The following NUCB1 variants were observed in gnomAD, a reference collection of about 807,000 sequenced individuals.
The protein encoded by NUCB1 is nucleobindin 1, also known as nucleobindin-1.
Under a neutral mutation model 61.2 loss-of-function variants are expected in NUCB1, and 47 were observed. The ratio of observed to expected loss-of-function variants is 0.77; its 90% CI spans 0.61 to 0.98. The LOEUF (loss-of-function observed/expected upper bound fraction) is 0.98. Ranked by LOEUF, NUCB1 falls within the 50% of genes least tolerant of loss-of-function variation. The pLI is 0.00. For synonymous variants in NUCB1, 234 were observed against 243.1 expected, an observed-to-expected ratio of 0.96 and a Z score of 0.35; for missense variants, 583 against 605.3, an observed-to-expected ratio of 0.96 and a Z score of 0.39.
At chr19:48,918,601 C>T in intron 7 of NUCB1, 125 bp from the exon 8 acceptor site, 6 of 767,368 alleles carry the variant, frequency 7.8e-6, no homozygotes, top group Non-Finnish European at 1.2e-5. Flanking sequence ...CGTTCCACCG[C>T]GGGAGACCCG....
chr19:48,917,378 C>T (rs1260646090), intron 7 of NUCB1, among the ~76,000 whole-genome samples: 1 of 151,960 alleles, frequency 6.6e-6, no homozygotes, highest in Non-Finnish European at 1.5e-5. Context: ...GGCTGGAGTG[C>T]AGTGGCGTGA....
intron 5 of NUCB1, among the ~76,000 whole-genome samples, chr19:48,911,558 G>A (rs146076282): frequency 1.4e-3 from 211 of 151,710 alleles, no homozygotes; most frequent in Non-Finnish European, 2.5e-3. Flanking sequence ...GGTGCCTGCC[G>A]TCACGCCCAG....
At chr19:48,912,516 G>A (rs955381566) in intron 5 of NUCB1, among the ~76,000 whole-genome samples, 7 of 152,020 alleles carry the variant, frequency 4.6e-5, no homozygotes, top group African/African-American at 1.7e-4. Flanking sequence ...TGTGTTATGG[G>A]GCAGGAGCAG....
At chr19:48,909,999 G>A (rs950670175) in intron 4 of NUCB1, among the ~76,000 whole-genome samples, 6 of 152,174 alleles carry the variant, frequency 3.9e-5, no homozygotes, top group Admixed American at 2.6e-4. Context: ...AAACTTAGGA[G>A]CGTGCAATTT....
intron 2 of NUCB1, among the ~76,000 whole-genome samples, chr19:48,903,731 T>G (rs2037379584): frequency 8.1e-6 from 1 of 122,954 alleles, no homozygotes. Context: ...GATGGATGAG[T>G]GGATGGATGG....
chr19:48,918,396 G>A (rs1265271401), intron 7 of NUCB1: 11 of 250,088 alleles, frequency 4.4e-5, no homozygotes, highest in Non-Finnish European at 7.1e-5. Context: ...TGTCTGGGAG[G>A]CAGAGGTCCC....
In NUCB1 at chr19:48,922,484, A is replaced by G. The variant is rs149462138; in HGVS notation, c.*60A>G. The stretch of plus-strand genomic sequence containing the variant: ...CTCCAAGGCGACTGATGGGCGCTGG[A>G]TGAAGTGGCACAGTCAGCTTCCCTG... On this transcript the variant is annotated 3_prime_UTR_variant, in exon 13 of 13. Coordinates refer to ENST00000405315, the MANE Select transcript of NUCB1 (RefSeq NM_006184.6). 1.4e-3 allele frequency: 1,980 copies of G among 1,387,958 alleles called. 3 individuals are homozygous for G. The highest frequency in any genetic ancestry group is 1.8e-3 in the Non-Finnish European group (1,735 of 977,832). 86.0% of individuals were successfully genotyped at this position (1,387,958 alleles called of 1,614,324 possible).
In NUCB1 at chr19:48,919,194, G is replaced by T; in HGVS notation, c.910G>T (p.Val304Leu). 6.2e-7 allele frequency: 1 copy of T among 1,614,154 alleles called. No homozygotes were observed. The highest frequency in any genetic ancestry group is 1.1e-5 in the South Asian group (1 of 91,082). ...LRMREHVMKN[V>L]DTNQDRLVTL... is the part of the protein sequence containing the mutation. The stretch of plus-strand genomic sequence containing the variant: ...CACTCACCCTTATCTGGCTCCCCAG[G>T]TGGACACCAACCAGGACCGCCTCGT... Residue 304 changes from valine (V) to leucine (L), a missense_variant and splice_region_variant, in exon 10 of 13, where the codon GTG becomes TTG. By Grantham distance (32) the Val-to-Leu change is conservative. Coordinates refer to ENST00000405315, the MANE Select transcript of NUCB1 (RefSeq NM_006184.6).
chr19:48,901,047 C>G, intron 2 of NUCB1, 116 bp downstream of exon 2: 1 of 1,287,218 alleles, frequency 7.8e-7, no homozygotes, highest in Non-Finnish European at 1.1e-6. Context: ...ACAGTTGTAG[C>G]TTGTTTTTTG....
chr19:48,912,608 G>A (rs1215538862), intron 5 of NUCB1, among the ~76,000 whole-genome samples: 2 of 152,204 alleles, frequency 1.3e-5, no homozygotes, highest in African/African-American at 4.8e-5. Context: ...GGCTGACGTG[G>A]GCGGATCACC....
chr19:48,917,405 C>T (rs1186699898), intron 7 of NUCB1, among the ~76,000 whole-genome samples: 1 of 151,902 alleles, frequency 6.6e-6, no homozygotes, highest in Non-Finnish European at 1.5e-5. Context: ...CTCACTGCAA[C>T]CCAGACCTCC....
chr19:48,918,095 T>G (rs1600066565), intron 7 of NUCB1, among the ~76,000 whole-genome samples: 1 of 152,080 alleles, frequency 6.6e-6, no homozygotes, highest in African/African-American at 2.4e-5. Context: ...AGGAAGAGGA[T>G]GGAGCCGTCA....
Position 48,923,210 on chromosome 19 carries a change from G to A in NUCB1, c.*786G>A, listed in dbSNP as rs78972220. The A allele has an allele frequency of 0.013, 1,971 of 152,664 alleles. 42 individuals carry two copies. The highest frequency in any genetic ancestry group is 0.044 in the African/African-American group (1,845 of 41,562). The allele number at this position is 152,664 out of a possible 1,614,324, so 9.5% of individuals were successfully genotyped here. On this transcript the variant is annotated 3_prime_UTR_variant, in exon 13 of 13. Coordinates refer to ENST00000405315, the MANE Select transcript of NUCB1 (RefSeq NM_006184.6). ...TTCTGGCCTCATCTGACACTGCTCCGCATCCTGCTGTGTGTCCTGTTCCAT... is the reference window on the plus strand; with the variant it reads ...TTCTGGCCTCATCTGACACTGCTCCACATCCTGCTGTGTGTCCTGTTCCAT...
chr19:48,912,760 C>T (rs570105297), intron 5 of NUCB1, among the ~76,000 whole-genome samples: 29 of 147,732 alleles, frequency 2.0e-4, no homozygotes, highest in East Asian at 7.9e-4. Flanking sequence ...CACTTGAACC[C>T]GGAAGACAGA....
At chr19:48,913,784 C>G (rs1019599240) in intron 7 of NUCB1, among the ~76,000 whole-genome samples, 2 of 152,052 alleles carry the variant, frequency 1.3e-5, no homozygotes. Flanking sequence ...CACCAGACCT[C>G]GGGGTTCTAA....
rs762362052 is a variant in NUCB1 at position 48,913,179 on chromosome 19, C to G, written c.649C>G (p.Pro217Ala). The G allele has an allele frequency of 1.9e-6, 3 of 1,612,582 alleles. No homozygotes were observed. The highest frequency in any genetic ancestry group is 2.5e-6 in the Non-Finnish European group (3 of 1,179,520). The change falls in exon 6 of 13, where the codon CCT becomes GCT. Residue 217 changes from proline (P) to alanine (A), a missense_variant. By Grantham distance (27) the Pro-to-Ala change is conservative (BLOSUM62 -1). Coordinates refer to ENST00000405315, the MANE Select transcript of NUCB1 (RefSeq NM_006184.6). ...GCAACAGCGCCGGCACCGCGAGCAC[C>G]CTAAAGTCAACGTGCCTGTGAGGAC... ...EEQQRRHREH[P>A]KVNVPGSQAQ...
chr19:48,900,420 G>C (rs3745697), intron 1 of NUCB1, 48 bp downstream of exon 1: 41,429 of 255,240 alleles, frequency 0.16, 4,518 homozygotes, highest in African/African-American at 0.35. Flanking sequence ...GAGGATGGGG[G>C]CCAGAGGGCT....
At chr19:48,907,990 ACCT>A (rs1156704302) in intron 4 of NUCB1, among the ~76,000 whole-genome samples, 1 of 150,534 alleles carries the variant, frequency 6.6e-6, no homozygotes, top group Non-Finnish European at 1.5e-5. Flanking sequence ...CTGGAATGTC[ACCT>A]CCTCAGGGTG....
At position 48,916,775 on chromosome 19, in the gene NUCB1, G is replaced by A. The variant is rs2037545141; in HGVS notation, c.758-1951G>A. Among the ~76,000 whole-genome samples, 3 of 152,258 alleles carry A rather than the reference G, an allele frequency of 2.0e-5. No individual in the cohort carries two copies. In the South Asian group the frequency reaches 6.2e-4, roughly 32 times the overall value. ...TACTAAAAATACAAAAATTATCTGG[G>A]CATGGTGGCACGCACCTGCAGTCCC... On this transcript the variant is annotated intron_variant, in intron 7 of 12. Coordinates refer to ENST00000405315, the MANE Select transcript of NUCB1 (RefSeq NM_006184.6).
Sources: allele counts gnomAD v4.1 joint callset (sites outside exome capture counted in the v4.1 genomes callset), GRCh38; gene constraint gnomAD v4.1.1; transcripts MANE v1.5; gene names NCBI Gene and HGNC (gene_info 2026-07-23, HGNC 2026-07-21).